Variants in MSRA observed in about 807,000 individuals in gnomAD.
The protein encoded by MSRA is mitochondrial peptide methionine sulfoxide reductase.
MSRA carries 54 observed loss-of-function variants against 31.3 expected under a neutral mutation model. The observed-to-expected ratio is 1.73, with a 90% CI of 1.39 to 2.17. The LOEUF (loss-of-function observed/expected upper bound fraction) is 2.17. Ranked by LOEUF, MSRA falls within the 30% of genes most tolerant of loss-of-function variation. The probability of loss-of-function intolerance (pLI) is 0.00; values close to 1 mark genes in which losing one functional copy is unlikely to be tolerated. For synonymous variants in MSRA, 169 were observed against 116.5 expected, an observed-to-expected ratio of 1.45 and a Z score of -2.90; for missense variants, 507 against 300.9, an observed-to-expected ratio of 1.69 and a Z score of -5.07.
At chr8:10,055,993 C>T (rs1312398956) in intron 1 of MSRA, among the ~76,000 whole-genome samples, 2 of 151,896 alleles carry the variant, frequency 1.3e-5, no homozygotes, top group African/African-American at 4.8e-5. Flanking sequence ...GATTAGTAAA[C>T]ATCTATACTT....
chr8:10,117,815 C>A (rs1212797788), intron 1 of MSRA, among the ~76,000 whole-genome samples: 1 of 152,058 alleles, frequency 6.6e-6, no homozygotes, highest in Non-Finnish European at 1.5e-5. Flanking sequence ...GTCAGAGAAA[C>A]CCTAAATTTA....
chr8:10,300,498 C>T (rs746194047), intron 3 of MSRA, among the ~76,000 whole-genome samples: 1 of 152,072 alleles, frequency 6.6e-6, no homozygotes, highest in South Asian at 2.1e-4. Context: ...TCAAGTGATC[C>T]GCCTGCCTTG....
At chr8:10,325,119 A>G (rs373266843) in intron 5 of MSRA, among the ~76,000 whole-genome samples, 1 of 152,284 alleles carries the variant, frequency 6.6e-6, no homozygotes, top group African/African-American at 2.4e-5. Flanking sequence ...CTCTGGGTCC[A>G]CTGTCTCCAA....
At chr8:10,288,460 C>T (rs1335067310) in intron 3 of MSRA, among the ~76,000 whole-genome samples, 3 of 152,140 alleles carry the variant, frequency 2.0e-5, no homozygotes, top group Non-Finnish European at 4.4e-5. Flanking sequence ...TTGATATGTA[C>T]ATAGTCGATT....
intron 5 of MSRA, among the ~76,000 whole-genome samples, chr8:10,386,393 T>C (rs1032342525): frequency 3.3e-5 from 5 of 152,128 alleles, no homozygotes; most frequent in African/African-American, 1.2e-4. Flanking sequence ...TGAACAGATA[T>C]ACCTGAAGCA....
chr8:10,285,473 G>A (rs758864725), intron 3 of MSRA, among the ~76,000 whole-genome samples: 1 of 152,080 alleles, frequency 6.6e-6, no homozygotes, highest in African/African-American at 2.4e-5. Context: ...CACCTCAGAC[G>A]TTTATCATTT....
intron 1 of MSRA, among the ~76,000 whole-genome samples, chr8:10,131,959 A>G (rs1801928920): frequency 1.3e-5 from 2 of 152,230 alleles, no homozygotes; most frequent in African/African-American, 2.4e-5. Context: ...AGAAGAACTG[A>G]ATGATGTTTA....
At chr8:10,383,166 C>T (rs921816914) in intron 5 of MSRA, among the ~76,000 whole-genome samples, 1 of 152,238 alleles carries the variant, frequency 6.6e-6, no homozygotes, top group African/African-American at 2.4e-5. Context: ...CCAGCCAACT[C>T]TGCTGCCATC....
At chr8:10,314,425 A>G (rs1801603167) in intron 4 of MSRA, among the ~76,000 whole-genome samples, 1 of 152,128 alleles carries the variant, frequency 6.6e-6, no homozygotes, top group African/African-American at 2.4e-5. Flanking sequence ...AATCAGGAAA[A>G]TGCAAATTAA....
At chr8:10,347,631 G>A (rs1001380583) in intron 5 of MSRA, among the ~76,000 whole-genome samples, 1 of 152,036 alleles carries the variant, frequency 6.6e-6, no homozygotes, top group African/African-American at 2.4e-5. Context: ...CATCCTCCAC[G>A]CCATCCCAAA....
intron 1 of MSRA, among the ~76,000 whole-genome samples, chr8:10,075,147 G>A (rs938713128): frequency 6.6e-6 from 1 of 152,092 alleles, no homozygotes; most frequent in Admixed American, 6.6e-5. Flanking sequence ...TTGTATTTCT[G>A]TTTTCTGTAT....
intron 5 of MSRA, among the ~76,000 whole-genome samples, chr8:10,420,597 G>A (rs188913344): frequency 6.6e-6 from 1 of 152,106 alleles, no homozygotes; most frequent in Non-Finnish European, 1.5e-5. Flanking sequence ...CTTTCCATAT[G>A]GTCTCGGATC....
intron 3 of MSRA, among the ~76,000 whole-genome samples, chr8:10,256,939 G>C (rs986717998): frequency 2.6e-5 from 4 of 152,168 alleles, no homozygotes; most frequent in African/African-American, 9.7e-5. Flanking sequence ...GAGGTCTGTA[G>C]TTTGTTTATC....
At chr8:10,102,058 A>T (rs933624201) in intron 1 of MSRA, among the ~76,000 whole-genome samples, 3 of 151,992 alleles carry the variant, frequency 2.0e-5, no homozygotes, top group African/African-American at 7.2e-5. Context: ...ACTACTTTCA[A>T]AATCTTGCTG....
intron 2 of MSRA, among the ~76,000 whole-genome samples, chr8:10,236,798 G>A (rs1434787371): frequency 1.3e-5 from 2 of 152,100 alleles, no homozygotes; most frequent in Non-Finnish European, 1.5e-5. Flanking sequence ...TGGCTGCCTC[G>A]GCCTTCCAGA....
intron 1 of MSRA, among the ~76,000 whole-genome samples, chr8:10,157,266 G>C (rs957090287): frequency 6.6e-6 from 1 of 152,118 alleles, no homozygotes; most frequent in Admixed American, 6.6e-5. Context: ...TTGAGTTTAA[G>C]TGTGAAAAGA....
At chr8:10,380,784 G>A (rs571980023) in intron 5 of MSRA, among the ~76,000 whole-genome samples, 13 of 152,056 alleles carry the variant, frequency 8.5e-5, no homozygotes, top group Non-Finnish European at 1.3e-4. Flanking sequence ...ATGGATGGAT[G>A]AACAGACAGA....
intron 5 of MSRA, among the ~76,000 whole-genome samples, chr8:10,400,445 C>T (rs1346658293): frequency 2.0e-5 from 3 of 151,676 alleles, no homozygotes; most frequent in African/African-American, 7.3e-5. Context: ...CTGGGGATAT[C>T]AAGCCTATTG....
At chr8:10,187,588 G>C (rs186017048) in intron 1 of MSRA, among the ~76,000 whole-genome samples, 1 of 152,308 alleles carries the variant, frequency 6.6e-6, no homozygotes, top group African/African-American at 2.4e-5. Context: ...GGAAATCTGA[G>C]AAATAAATAG....
Sources: allele counts gnomAD v4.1 joint callset (sites outside exome capture counted in the v4.1 genomes callset), GRCh38; gene constraint gnomAD v4.1.1; transcripts MANE v1.5; gene names NCBI Gene and HGNC (gene_info 2026-07-23, HGNC 2026-07-21).